Variants in KCNQ1 observed in about 807,000 individuals in gnomAD.
KCNQ1 encodes the protein potassium voltage-gated channel subfamily KQT member 1.
In KCNQ1, 49 loss-of-function variants were observed where a neutral mutation model predicts 72.4. The observed-to-expected ratio is 0.68, with a 90% CI of 0.54 to 0.86. The LOEUF (loss-of-function observed/expected upper bound fraction) is 0.86, where lower values mean the gene tolerates loss of function less well. KCNQ1 is among the 40% of genes least tolerant of loss of function. The pLI is 0.00. For synonymous variants in KCNQ1, 450 were observed against 412.6 expected, an observed-to-expected ratio of 1.09 and a Z score of -1.10; for missense variants, 790 against 945.1, an observed-to-expected ratio of 0.84 and a Z score of 2.15.
At position 2,658,776 on chromosome 11, in the gene KCNQ1, T is replaced by G; in HGVS notation, c.1394-3185T>G. On this transcript the variant is annotated intron_variant, in intron 10 of 15. Coordinates refer to ENST00000155840, the MANE Select transcript of KCNQ1 (RefSeq NM_000218.3). The surrounding 1 kb of genome is among the most constrained non-coding windows in gnomAD (Gnocchi z 4.9). ...AACCATGAGTTCATACTGACATTTC[T>G]GACCAGAGTTCATCCTTGCCCCCTC... 2.5e-6 allele frequency: 1 copy of G among 398,622 alleles called. No homozygotes were observed. The highest frequency in any genetic ancestry group is 4.4e-5 in the Admixed American group (1 of 22,734). The allele number at this position is 398,622 out of a possible 1,614,324, so 24.7% of individuals were successfully genotyped here. A position where few individuals can be genotyped will look rare whatever the true frequency, so the allele number is the denominator to read the frequency against.
chr11:2,620,208 TA>T lies in KCNQ1; in HGVS notation c.1393+31355del. ...ACGTAAGTTCATTCATGTATATATA[TA>T]TATTTTTTTTTTTTATTTTTTTTTT... On this transcript the variant is annotated intron_variant, in intron 10 of 15. Transcript: ENST00000155840. This position sits in a 1 kb window ranked among gnomAD's most constrained non-coding sequence, Gnocchi z 4.5. 3.2e-6 allele frequency: 1 copy of T among 307,986 alleles called. No homozygotes were observed. The highest frequency in any genetic ancestry group is 5.6e-6 in the Non-Finnish European group (1 of 180,140). 19.1% of individuals were successfully genotyped at this position (307,986 alleles called of 1,614,324 possible). A position where few individuals can be genotyped will look rare whatever the true frequency, so the allele number is the denominator to read the frequency against.
rs5789260 is a variant in KCNQ1, at chr11:2,671,669, CA to C, written c.1514+9589del. On this transcript the variant is annotated intron_variant, in intron 11 of 15. Transcript: ENST00000155840. The surrounding 1 kb of genome is among the most constrained non-coding windows in gnomAD (Gnocchi z 4.7). Reference sequence around the variant, plus strand: ...CTGCTGGGGAAACTGAGGCAGAGAGCAGGGGTGACTTTGCAAGGCAATAGAG... The same window carrying C: ...CTGCTGGGGAAACTGAGGCAGAGAGCGGGGTGACTTTGCAAGGCAATAGAG... The C allele has an allele frequency of 0.28, 113,004 of 398,504 alleles. 18,351 individuals are homozygous for C. Among genetic ancestry groups the C allele is most frequent in the East Asian group, 0.57 (15,963 of 28,052 alleles). The allele number at this position is 398,504 out of a possible 1,614,324, so 24.7% of individuals were successfully genotyped here.
chr11:2,647,915 C>CA lies in KCNQ1; in HGVS notation c.1394-14040dup, dbSNP rs200859203. On this transcript the variant is annotated intron_variant, in intron 10 of 15. Transcript: ENST00000155840. The surrounding 1 kb of genome is among the most constrained non-coding windows in gnomAD (Gnocchi z 4.0). ...TAATGGTTTATTGATTTTCTCTTTTCAAAAAATCAGTTTTTTGGCTGGGTT... is the reference window on the plus strand; with the variant it reads ...TAATGGTTTATTGATTTTCTCTTTTCAAAAAAATCAGTTTTTTGGCTGGGTT... 911 of 398,250 alleles carry CA rather than the reference C, an allele frequency of 2.3e-3. 9 individuals are homozygous for CA. Among genetic ancestry groups the CA allele is most frequent in the African/African-American group, 0.018 (854 of 48,620 alleles). The allele number at this position is 398,250 out of a possible 1,614,324, so 24.7% of individuals were successfully genotyped here. A position where few individuals can be genotyped will look rare whatever the true frequency, so the allele number is the denominator to read the frequency against.
In KCNQ1 at chr11:2,668,876, C is replaced by T; in HGVS notation, c.1514+6795C>T. Reference sequence around the variant, plus strand: ...TGTCCTATTTAAGAAACTTTGACTACTCCAAGGTCATAAAGATATTCTGGT... The same window carrying T: ...TGTCCTATTTAAGAAACTTTGACTATTCCAAGGTCATAAAGATATTCTGGT... On this transcript the variant is annotated intron_variant, in intron 11 of 15. Coordinates refer to ENST00000155840, the MANE Select transcript of KCNQ1 (RefSeq NM_000218.3). The surrounding 1 kb of genome is among the most constrained non-coding windows in gnomAD (Gnocchi z 4.3). The T allele has an allele frequency of 5.0e-6, 2 of 398,620 alleles. No individual in the cohort carries two copies. Among genetic ancestry groups the T allele is most frequent in the Non-Finnish European group, 8.8e-6 (2 of 226,064 alleles). The allele number at this position is 398,620 out of a possible 1,614,324, so 24.7% of individuals were successfully genotyped here. A position where few individuals can be genotyped will look rare whatever the true frequency, so the allele number is the denominator to read the frequency against.
At chr11:2,777,654 G>C (rs11826215) in intron 14 of KCNQ1, 1 of 594,552 alleles carries the variant, frequency 1.7e-6, no homozygotes, top group Non-Finnish European at 3.0e-6. Context: ...AGTCAGGCCT[G>C]TGTCGCCCTG....
chr11:2,672,948 A>G, intron 11 of KCNQ1: 1 of 398,764 alleles, frequency 2.5e-6, no homozygotes, highest in Non-Finnish European at 4.4e-6. Flanking sequence ...GGTGGCAAGG[A>G]ATCATGAACC....
chr11:2,726,042 G>A (rs913322149), intron 11 of KCNQ1, among the ~76,000 whole-genome samples: 1 of 152,226 alleles, frequency 6.6e-6, no homozygotes, highest in Non-Finnish European at 1.5e-5. Flanking sequence ...GGTTCACTCC[G>A]GCAGAGAAGG....
At chr11:2,573,943 C>T (rs574554063) in intron 6 of KCNQ1, among the ~76,000 whole-genome samples, 3 of 152,378 alleles carry the variant, frequency 2.0e-5, no homozygotes, top group African/African-American at 7.2e-5. Flanking sequence ...TTTCTCATGG[C>T]TCAGAGGACG....
In KCNQ1 at chr11:2,818,170, T is replaced by A. The variant is rs1193310939; in HGVS notation, c.1795-29597T>A. Among the ~76,000 whole-genome samples, 3 of 152,122 alleles carry A rather than the reference T, an allele frequency of 2.0e-5. No homozygotes were observed. Among genetic ancestry groups the A allele is most frequent in the Non-Finnish European group, 4.4e-5 (3 of 68,014 alleles). ...TCAGAGTGGGAGCGCGTGCCCCAAC[T>A]TCCGAGCCCTAGGAAAGGGTCTTGT... On this transcript the variant is annotated intron_variant, in intron 15 of 15. Transcript: ENST00000155840. This position sits in a 1 kb window ranked among gnomAD's most constrained non-coding sequence, Gnocchi z 7.2.
At chr11:2,838,957 C>T (rs747907529) in intron 15 of KCNQ1, among the ~76,000 whole-genome samples, 3 of 152,178 alleles carry the variant, frequency 2.0e-5, no homozygotes, top group Non-Finnish European at 4.4e-5. Context: ...CGTTCCTGCC[C>T]GCCTGGCCCC....
At position 2,617,458 on chromosome 11, in the gene KCNQ1, G is replaced by A. The variant is rs1422170433; in HGVS notation, c.1393+28604G>A. The A allele has an allele frequency of 2.5e-6, 1 of 398,192 alleles. No homozygotes were observed. The highest frequency in any genetic ancestry group is 4.4e-6 in the Non-Finnish European group (1 of 225,912). The allele number at this position is 398,192 out of a possible 1,614,324, so 24.7% of individuals were successfully genotyped here. On this transcript the variant is annotated intron_variant, in intron 10 of 15. Transcript: ENST00000155840. The surrounding 1 kb of genome is among the most constrained non-coding windows in gnomAD (Gnocchi z 4.6). ...TTGTAGACATACACACCACAGTTTA[G>A]TCATCCATCAATGGACACGTAAGTT...
chr11:2,520,628 C>A (rs370531016), intron 1 of KCNQ1, among the ~76,000 whole-genome samples: 2 of 152,124 alleles, frequency 1.3e-5, no homozygotes, highest in African/African-American at 4.8e-5. Context: ...GTCCACATCC[C>A]AGGGCTCTGA....
Position 2,491,938 on chromosome 11 carries a change from AAAAAG to A in KCNQ1, c.387-35985_387-35981del, listed in dbSNP as rs1265738067. Among the ~76,000 whole-genome samples, 1 of 152,176 alleles carries A rather than the reference AAAAAG, an allele frequency of 6.6e-6. No individual in the cohort carries two copies. Among genetic ancestry groups the A allele is most frequent in the East Asian group, 1.9e-4 (1 of 5,200 alleles). ...GACATATTTAAGGTGCTGAAGGAAA[AAAAAG>A]AAAAAAACTTTTGCTCTAGAATAGT... On this transcript the variant is annotated intron_variant, in intron 1 of 15. Transcript: ENST00000155840. The surrounding 1 kb of genome is among the most constrained non-coding windows in gnomAD (Gnocchi z 4.1).
chr11:2,469,423 G>A (rs1564789660), intron 1 of KCNQ1, among the ~76,000 whole-genome samples: 4 of 151,942 alleles, frequency 2.6e-5, no homozygotes, highest in Non-Finnish European at 5.9e-5. Context: ...ACAGATGCCC[G>A]CCACCATGAC....
intron 2 of KCNQ1, among the ~76,000 whole-genome samples, chr11:2,560,236 GATGGGGGGGTGACGTCCATC>G (rs1848140466): frequency 1.2e-5 from 1 of 84,252 alleles, no homozygotes; most frequent in Non-Finnish European, 2.5e-5. Context: ...ATCCTTGGGG[GATGGGGGGGTGACGTCCATC>G]CTGGGGGAGT....
intron 15 of KCNQ1, among the ~76,000 whole-genome samples, chr11:2,811,123 G>C (rs892622934): frequency 1.3e-5 from 2 of 152,198 alleles, no homozygotes; most frequent in Admixed American, 1.3e-4. Flanking sequence ...CTCAGGCTGT[G>C]CACCTCCGCA....
chr11:2,617,643 T>A lies in KCNQ1; in HGVS notation c.1393+28789T>A. On this transcript the variant is annotated intron_variant, in intron 10 of 15. Transcript: ENST00000155840. The surrounding 1 kb of genome is among the most constrained non-coding windows in gnomAD (Gnocchi z 4.6). ...ATTTCTTTAGGAGCCACCATTCTGT[T>A]TTTCATTATGACTGCACCAATCTAC... 2 of 398,430 alleles carry A rather than the reference T, an allele frequency of 5.0e-6. No homozygotes were observed. The highest frequency in any genetic ancestry group is 3.6e-5 in the East Asian group (1 of 28,050). 24.7% of individuals were successfully genotyped at this position (398,430 alleles called of 1,614,324 possible). A position where few individuals can be genotyped will look rare whatever the true frequency, so the allele number is the denominator to read the frequency against.
intron 2 of KCNQ1, among the ~76,000 whole-genome samples, chr11:2,569,239 A>G (rs1483117848): frequency 6.6e-6 from 1 of 152,178 alleles, no homozygotes; most frequent in Non-Finnish European, 1.5e-5. Flanking sequence ...CTGTCCGCAC[A>G]CACCCACACA....
chr11:2,709,166 C>T (rs896041343), intron 11 of KCNQ1, among the ~76,000 whole-genome samples: 2 of 152,098 alleles, frequency 1.3e-5, no homozygotes, highest in South Asian at 2.1e-4. Flanking sequence ...GCTTTAGTCA[C>T]GTCAGCTTGG....
Sources: allele counts gnomAD v4.1 joint callset (sites outside exome capture counted in the v4.1 genomes callset), GRCh38; gene constraint gnomAD v4.1.1; non-coding constraint Gnocchi (gnomAD v3.1); transcripts MANE v1.5; gene names NCBI Gene and HGNC (gene_info 2026-07-23, HGNC 2026-07-21).